BTK: variants seen among roughly 807,000 people sequenced by gnomAD.
The protein encoded by BTK is tyrosine-protein kinase BTK.
BTK carries 5 observed loss-of-function variants against 57.4 expected under a neutral mutation model. The observed-to-expected ratio is 0.09, with a 90% CI of 0.05 to 0.18. The LOEUF (loss-of-function observed/expected upper bound fraction) is 0.18. Ranked by LOEUF, BTK falls within the 10% of genes least tolerant of loss-of-function variation. BTK has a pLI of 1.00. For synonymous variants in BTK, 154 were observed against 174.3 expected (o/e 0.88, Z 0.92); for missense variants, 194 against 501.2 (o/e 0.39, Z 5.85).
chrX:101,389,508 T>C (rs192927590), upstream of BTK, among the ~76,000 whole-genome samples: 2 of 111,533 alleles, frequency 1.8e-5, no homozygotes, highest in South Asian at 3.8e-4. Flanking sequence ...ATATTTATTA[T>C]CTCATTCCCA....
chrX:101,351,176 A>G (rs1430857831), intron 18 of BTK, among the ~76,000 whole-genome samples: 1 of 111,307 alleles, frequency 9.0e-6, no homozygotes, highest in African/African-American at 3.3e-5. Context: ...TTGTATTTTT[A>G]GTAGAGACAG....
At chrX:101,369,870 C>T (rs1555980023) in intron 5 of BTK, 128 bp downstream of exon 5, 43 of 557,972 alleles carry the variant, frequency 7.7e-5, no homozygotes, top group Admixed American at 5.0e-4. Context: ...TTCTTCTTTT[C>T]TCTCTACGTT....
chrX:101,371,609 A>T, intron 4 of BTK, 24 bp downstream of exon 4: 2 of 1,196,315 alleles, frequency 1.7e-6, no homozygotes, highest in South Asian at 3.5e-5. Flanking sequence ...GCCTTTCGAG[A>T]TTTGGTGAGA....
chrX:101,356,855 G>A lies in BTK; in HGVS notation c.1278C>T (p.Asp426=), dbSNP rs1603005107. ...CTTCTTTGATCATCTTGATGGCCAC[G>A]TCGTACTGGCCTCTCCATTTCCCAT... The part of the protein sequence containing the change: ...VKYGKWRGQY[D]VAIKMIKEGS... The change falls in exon 14 of 19, where the codon GAC becomes GAT. Residue 426 remains aspartate (D), a synonymous_variant. Transcript: ENST00000308731. 5 of 1,211,078 alleles carry A rather than the reference G, an allele frequency of 4.1e-6. No individual in the cohort carries two copies. Among genetic ancestry groups the A allele is most frequent in the African/African-American group, 1.7e-5 (1 of 57,698 alleles).
At chrX:101,384,826 A>G (rs891985809) in intron 1 of BTK, among the ~76,000 whole-genome samples, 2 of 111,601 alleles carry the variant, frequency 1.8e-5, no homozygotes, top group Non-Finnish European at 1.9e-5. Flanking sequence ...TTATCAAATA[A>G]CTGAGGCTCC....
intron 5 of BTK, among the ~76,000 whole-genome samples, chrX:101,367,674 AAAT>A (rs1264867202): frequency 9.1e-6 from 1 of 109,728 alleles, no homozygotes; most frequent in Non-Finnish European, 1.9e-5. Flanking sequence ...ATAAATAAAT[AAAT>A]AAATAAATAT....
At chrX:101,362,070 A>T in intron 7 of BTK, 103 bp downstream of exon 7, 1 of 849,472 alleles carries the variant, frequency 1.2e-6, no homozygotes. Context: ...AATACCAATT[A>T]ACACTGCCAA....
At chrX:101,375,522 G>A (rs974235523) in intron 1 of BTK, among the ~76,000 whole-genome samples, 5 of 111,945 alleles carry the variant, frequency 4.5e-5, no homozygotes, top group South Asian at 3.7e-4. Context: ...GGATTGGTTC[G>A]ATGTTGTGAG....
rs1203847802 is a variant in BTK, at chrX:101,360,743, G to A, written c.601C>T (p.Pro201Ser). ...TPEEDQILKK[P>S]LPPEPAAAPV... ...GCTGCTGCTGGCTCAGGCGGTAGTG[G>A]CTTTTTCAAGATCTATGTAGTTAGG... Residue 201 changes from proline to serine, a missense_variant, in exon 8 of 19, where the codon CCA becomes TCA. By Grantham distance (74) the Pro-to-Ser change is moderately conservative. Around this residue, in one of 3 missense-constraint regions of BTK, gnomAD observed 115 missense variants for 258.3 expected, o/e 0.45. Coordinates refer to ENST00000308731, the MANE Select transcript of BTK (RefSeq NM_000061.3). 3.3e-6 allele frequency: 4 copies of A among 1,208,575 alleles called. No individual in the cohort carries two copies. The highest frequency in any genetic ancestry group is 4.5e-6 in the Non-Finnish European group (4 of 894,469).
Position 101,357,615 on chromosome X carries a change from G to A in BTK, c.1103-32C>T, listed in dbSNP as rs1219140780. 4 of 1,139,553 alleles carry A rather than the reference G, an allele frequency of 3.5e-6. No individual in the cohort carries two copies. The African/African-American group carries it at 7.2e-5, about 20-fold the overall frequency. The allele number at this position is 1,139,553 out of a possible 1,213,427, so 93.9% of individuals were successfully genotyped here. ...CAGAGAGAGAGGTCATGCTGTTGGT[G>A]TGGTGTAGGAGGTGGGATGCCTCAC... is the stretch of plus-strand genomic sequence containing the variant. On this transcript the variant is annotated intron_variant, in intron 12 of 18. Transcript: ENST00000308731.
At chrX:101,365,784 G>A (rs782628709) in intron 5 of BTK, among the ~76,000 whole-genome samples, 1 of 112,151 alleles carries the variant, frequency 8.9e-6, no homozygotes, top group Non-Finnish European at 1.9e-5. Flanking sequence ...TTGCAATTAG[G>A]ATAGGTTCTA....
upstream of BTK, among the ~76,000 whole-genome samples, chrX:101,387,408 GTGGCGTGATCA>G (rs1399023121): frequency 1.0e-5 from 1 of 97,687 alleles, no homozygotes; most frequent in African/African-American, 3.9e-5. Context: ...TTGGAGTGCA[GTGGCGTGATCA>G]TGGCTCACTG....
In BTK at chrX:101,349,698, C is replaced by A; in HGVS notation, c.*187G>T. The A allele has an allele frequency of 2.2e-6, 1 of 451,837 alleles. No homozygotes were observed. Among genetic ancestry groups the A allele is most frequent in the Admixed American group, 3.4e-5 (1 of 29,529 alleles). The allele number at this position is 451,837 out of a possible 1,213,427, so 37.2% of individuals were successfully genotyped here. ...AATTTCAGGCACAATAATTTCTTGG[C>A]CTTTGCTCAGAAGCCACTATCCCAG... On this transcript the variant is annotated 3_prime_UTR_variant, in exon 19 of 19. Coordinates refer to ENST00000308731, the MANE Select transcript of BTK (RefSeq NM_000061.3).
At chrX:101,349,980 T>C (rs782548350) in intron 18 of BTK, 24 bp from the exon 19 acceptor site, 2 of 1,119,466 alleles carry the variant, frequency 1.8e-6, no homozygotes, top group South Asian at 1.8e-5. Context: ...AAAAGTAAAG[T>C]GTTAGAGTGG....
In BTK at chrX:101,350,004, T is replaced by A. The variant is rs782803191; in HGVS notation, c.1909-48A>T. On this transcript the variant is annotated intron_variant, in intron 18 of 18. Transcript: ENST00000308731. The stretch of plus-strand genomic sequence containing the variant: ...GTGTTAGAGTGGCTAGAATCCAGAA[T>A]TCAAGGGAAATGCAATGAGTAAGCA... The A allele has an allele frequency of 5.1e-6, 5 of 989,199 alleles. No individual in the cohort carries two copies. The African/African-American group carries it at 5.8e-5, about 11-fold the overall frequency. 81.5% of individuals were successfully genotyped at this position (989,199 alleles called of 1,213,427 possible). A position where few individuals can be genotyped will look rare whatever the true frequency, so the allele number is the denominator to read the frequency against.
chrX:101,351,979 C>A (rs1231550657), intron 18 of BTK, among the ~76,000 whole-genome samples: 1 of 109,737 alleles, frequency 9.1e-6, no homozygotes, highest in African/African-American at 3.3e-5. Context: ...TTGGCTAACA[C>A]GGTGAAACCC....
chrX:101,350,960 G>A (rs1287997509), intron 18 of BTK, among the ~76,000 whole-genome samples: 1 of 111,723 alleles, frequency 9.0e-6, no homozygotes, highest in Admixed American at 9.5e-5. Flanking sequence ...TCCACTTCAG[G>A]CATAGCTAAT....
At chrX:101,358,859 C>T (rs961733526) in intron 10 of BTK, among the ~76,000 whole-genome samples, 163 bp from the exon 11 acceptor site, 5 of 111,879 alleles carry the variant, frequency 4.5e-5, no homozygotes, top group Non-Finnish European at 5.6e-5. Flanking sequence ...AGGTGCAGGC[C>T]GGGCATGGTG....
intron 8 of BTK, 56 bp downstream of exon 8, chrX:101,360,512 T>C (rs1926625981): frequency 3.5e-6 from 4 of 1,158,499 alleles, no homozygotes; most frequent in Non-Finnish European, 3.5e-6. Flanking sequence ...CGCAGCACTT[T>C]TTGCGTGTAG....
Sources: gnomAD v4.1 joint callset for allele counts (sites outside exome capture counted in the v4.1 genomes callset) on GRCh38, gnomAD v4.1.1 for gene constraint, gnomAD v4.1.1 regional missense constraint, MANE v1.5 for transcripts, NCBI Gene and HGNC (gene_info 2026-07-23, HGNC 2026-07-21) for gene names.